Variants in PLCL1 observed in about 807,000 individuals in gnomAD.
The protein encoded by PLCL1 is inactive phospholipase C-like protein 1.
A neutral mutation model predicts 84.4 loss-of-function variants in PLCL1; 41 were observed. That is an observed-to-expected ratio of 0.49 (90% confidence interval 0.38 to 0.63). PLCL1 has a LOEUF of 0.63. PLCL1 is among the 30% of genes least tolerant of loss of function. PLCL1 has a pLI of 0.00. For synonymous variants in PLCL1, 490 were observed against 488.3 expected (o/e 1.00, Z -0.05); for missense variants, 1,206 against 1,367.8 (o/e 0.88, Z 1.87).
At chr2:197,845,359 G>A (rs975382421) in intron 1 of PLCL1, among the ~76,000 whole-genome samples, 4 of 152,056 alleles carry the variant, frequency 2.6e-5, no homozygotes, top group Admixed American at 2.0e-4. Context: ...AAGTAGACTA[G>A]GAAGAAAGAT....
intron 1 of PLCL1, among the ~76,000 whole-genome samples, chr2:197,859,416 T>C (rs1029213604): frequency 6.6e-6 from 1 of 152,188 alleles, no homozygotes; most frequent in African/African-American, 2.4e-5. Flanking sequence ...CTTTTAAAAA[T>C]AAAATGCTTA....
In PLCL1 at chr2:198,059,962, G is replaced by A. The variant is rs574000041; in HGVS notation, c.241-23796G>A. Among the ~76,000 whole-genome samples the A allele has an allele frequency of 5.1e-4, 77 of 152,272 alleles. 1 individual carries two copies. The highest frequency in any genetic ancestry group is 3.4e-3 in the Middle Eastern group (1 of 294). ...TGTCAGGTTGGCAGGGCAGCGCAAG[G>A]TTATCTGGCTGCATGAGGTTATCTG... On this transcript the variant is annotated intron_variant, in intron 1 of 5. Coordinates refer to ENST00000428675, the MANE Select transcript of PLCL1 (RefSeq NM_006226.4).
rs147528074 is a variant in PLCL1, at chr2:198,083,941, C to G, written c.424C>G (p.Gln142Glu). The part of the protein sequence containing the change: ...NRFFTLDTDL[Q>E]ALRWEPSKKD... ...TTTTTTCACTCTGGACACAGACCTT[C>G]AAGCTCTTCGCTGGGAACCTTCAAA... Residue 142 changes from glutamine (Q) to glutamate (E), a missense_variant, in exon 2 of 6, where the codon CAA becomes GAA. Coordinates refer to ENST00000428675, the MANE Select transcript of PLCL1 (RefSeq NM_006226.4). 476 of 1,614,036 alleles carry G rather than the reference C, an allele frequency of 2.9e-4. No homozygotes were observed. Among genetic ancestry groups the G allele is most frequent in the Non-Finnish European group, 3.8e-4 (445 of 1,179,988 alleles).
intron 1 of PLCL1, among the ~76,000 whole-genome samples, chr2:198,063,744 A>G (rs1006796196): frequency 7.2e-5 from 11 of 152,226 alleles, no homozygotes; most frequent in African/African-American, 2.7e-4. Flanking sequence ...GGTTCATACC[A>G]TTATTTAAAT....
At chr2:198,034,969 ATGT>A (rs1416409941) in intron 1 of PLCL1, among the ~76,000 whole-genome samples, 1 of 152,198 alleles carries the variant, frequency 6.6e-6, no homozygotes, top group Non-Finnish European at 1.5e-5. Flanking sequence ...CACTGAAAGA[ATGT>A]TGTGTCCTTT....
intron 1 of PLCL1, among the ~76,000 whole-genome samples, chr2:198,024,635 T>G (rs1231622839): frequency 6.6e-6 from 1 of 152,034 alleles, no homozygotes; most frequent in Non-Finnish European, 1.5e-5. Flanking sequence ...TGGTGACACA[T>G]GCCTGTGATC....
At chr2:198,128,264 C>T (rs887904938) in intron 5 of PLCL1, among the ~76,000 whole-genome samples, 2 of 152,104 alleles carry the variant, frequency 1.3e-5, no homozygotes, top group Non-Finnish European at 2.9e-5. Flanking sequence ...TGTAACCACC[C>T]AGTTGGGTTC....
At chr2:197,859,579 C>T (rs971504911) in intron 1 of PLCL1, among the ~76,000 whole-genome samples, 44 of 152,226 alleles carry the variant, frequency 2.9e-4, no homozygotes, top group Middle Eastern at 3.4e-3. Context: ...TACAACAATG[C>T]TCCCATAAGA....
At chr2:197,981,019 A>G (rs1372412921) in intron 1 of PLCL1, among the ~76,000 whole-genome samples, 1 of 152,186 alleles carries the variant, frequency 6.6e-6, no homozygotes, top group African/African-American at 2.4e-5. Context: ...AGTAATGGCT[A>G]AACTGCAGTT....
chr2:197,903,928 G>A (rs1688325638), intron 1 of PLCL1, among the ~76,000 whole-genome samples: 1 of 150,346 alleles, frequency 6.7e-6, no homozygotes, highest in Non-Finnish European at 1.5e-5. Context: ...TCAGCCTCCC[G>A]AGTAGCTGGG....
intron 2 of PLCL1, among the ~76,000 whole-genome samples, chr2:198,088,259 G>A (rs183381732): frequency 1.2e-3 from 188 of 152,228 alleles, no homozygotes; most frequent in Non-Finnish European, 2.2e-3. Context: ...GAAAAATGAA[G>A]GTGATCATTG....
chr2:197,992,118 G>A (rs1008785078), intron 1 of PLCL1, among the ~76,000 whole-genome samples: 1 of 151,834 alleles, frequency 6.6e-6, no homozygotes, highest in Non-Finnish European at 1.5e-5. Context: ...CAATGTGCAA[G>A]TTAGTTACAT....
chr2:197,948,289 G>A (rs1689321731), intron 1 of PLCL1, among the ~76,000 whole-genome samples: 2 of 152,114 alleles, frequency 1.3e-5, no homozygotes, highest in Admixed American at 1.3e-4. Flanking sequence ...CAGGTTTATG[G>A]AGAAATGACA....
chr2:198,019,838 C>T (rs1474202247), intron 1 of PLCL1, among the ~76,000 whole-genome samples: 1 of 152,172 alleles, frequency 6.6e-6, no homozygotes, highest in Non-Finnish European at 1.5e-5. Flanking sequence ...AGGAGAACTT[C>T]CCCAACTGAG....
intron 1 of PLCL1, among the ~76,000 whole-genome samples, chr2:197,941,753 T>TTCTC (rs143725762): frequency 1.3e-5 from 2 of 151,746 alleles, no homozygotes; most frequent in Admixed American, 6.6e-5. Context: ...CCATTCTGCT[T>TTCTC]TCTCTCTCTC....
intron 1 of PLCL1, among the ~76,000 whole-genome samples, chr2:197,996,026 T>A (rs1311579625): frequency 6.6e-6 from 1 of 152,132 alleles, no homozygotes; most frequent in African/African-American, 2.4e-5. Context: ...GGTTTATGCC[T>A]GCAGCGACAG....
chr2:197,956,866 A>G (rs1305013831), intron 1 of PLCL1, among the ~76,000 whole-genome samples: 6 of 152,054 alleles, frequency 3.9e-5, no homozygotes, highest in African/African-American at 1.4e-4. Context: ...CCCATTCTGT[A>G]GGTTGCCTGT....
chr2:198,004,140 T>A (rs1690671167), intron 1 of PLCL1, among the ~76,000 whole-genome samples: 1 of 142,004 alleles, frequency 7.0e-6, no homozygotes, highest in African/African-American at 2.5e-5. Context: ...ATATTTAGCT[T>A]TTTTTTTTAA....
intron 1 of PLCL1, among the ~76,000 whole-genome samples, chr2:197,823,172 G>A (rs1279480878): frequency 6.6e-6 from 1 of 152,156 alleles, no homozygotes. Context: ...TTACAGGCAT[G>A]TACCACTGCC....
Sources: allele counts gnomAD v4.1 joint callset (sites outside exome capture counted in the v4.1 genomes callset), GRCh38; gene constraint gnomAD v4.1.1; transcripts MANE v1.5; gene names NCBI Gene and HGNC (gene_info 2026-07-23, HGNC 2026-07-21).